Variants in DNAL1 observed in about 807,000 individuals in gnomAD.
DNAL1 encodes chromosome 14 open reading frame 168.
Under a neutral mutation model 29.4 loss-of-function variants are expected in DNAL1, and 17 were observed. The ratio of observed to expected loss-of-function variants is 0.58; its 90% CI spans 0.40 to 0.87. DNAL1 has a LOEUF of 0.87. DNAL1 is among the 40% of genes least tolerant of loss of function. The pLI, the probability that DNAL1 is intolerant of heterozygous loss-of-function variation, is 0.00. For synonymous variants in DNAL1, 78 were observed against 76.3 expected (o/e 1.02, Z -0.12); for missense variants, 188 against 214.1 (o/e 0.88, Z 0.76).
intron 2 of DNAL1, among the ~76,000 whole-genome samples, chr14:73,656,884 T>G (rs888691325): frequency 1.3e-5 from 2 of 152,144 alleles, no homozygotes; most frequent in African/African-American, 4.8e-5. Context: ...GTATTAGATC[T>G]TTTTACAACT....
intron 4 of DNAL1, among the ~76,000 whole-genome samples, chr14:73,663,981 A>G (rs922658730): frequency 1.3e-5 from 2 of 152,176 alleles, no homozygotes; most frequent in Admixed American, 1.3e-4. Context: ...TCTTCTTTGT[A>G]TAATTGTGGG....
At chr14:73,664,599 T>A (rs1891431602) in intron 4 of DNAL1, among the ~76,000 whole-genome samples, 1 of 152,218 alleles carries the variant, frequency 6.6e-6, no homozygotes, top group Non-Finnish European at 1.5e-5. Context: ...CCAGGTACCA[T>A]GGCTCATGCC....
chr14:73,645,928 T>G (rs1334622908), intron 1 of DNAL1, among the ~76,000 whole-genome samples: 1 of 152,188 alleles, frequency 6.6e-6, no homozygotes, highest in Admixed American at 6.5e-5. Context: ...GATAGAGATG[T>G]TTATGAAGAA....
In DNAL1 at chr14:73,654,630, G is replaced by A. The variant is rs138794449; in HGVS notation, c.4-217G>A. On this transcript the variant is annotated intron_variant, in intron 1 of 7. Coordinates refer to ENST00000553645, the MANE Select transcript of DNAL1 (RefSeq NM_031427.4). ...AAAAATTAGCCGGGAGTGGTGGCGC[G>A]CACCTGTAGTCCCAGCTACTTGGGA... Among the ~76,000 whole-genome samples, 1,228 of 152,112 alleles carry A rather than the reference G, an allele frequency of 8.1e-3. 24 individuals are homozygous for A. The highest frequency in any genetic ancestry group is 0.028 in the African/African-American group (1,166 of 41,502).
chr14:73,693,885 A>G (rs1360615422), intron 7 of DNAL1, among the ~76,000 whole-genome samples: 1 of 152,132 alleles, frequency 6.6e-6, no homozygotes, highest in Non-Finnish European at 1.5e-5. Context: ...ATGAACATTT[A>G]TCAATCTGTA....
chr14:73,688,033 G>A (rs1892064437), intron 6 of DNAL1, among the ~76,000 whole-genome samples: 3 of 151,274 alleles, frequency 2.0e-5, no homozygotes, highest in South Asian at 4.2e-4. Flanking sequence ...AAAAAAATTA[G>A]GATGAACGTA....
intron 5 of DNAL1, among the ~76,000 whole-genome samples, chr14:73,675,489 G>A (rs75047456): frequency 6.7e-6 from 1 of 150,100 alleles, no homozygotes; most frequent in African/African-American, 2.4e-5. Context: ...TTTTTTTTTT[G>A]TAGTGATGGA....
chr14:73,679,301 T>A (rs1203688300), intron 5 of DNAL1, among the ~76,000 whole-genome samples: 1 of 152,198 alleles, frequency 6.6e-6, no homozygotes, highest in African/African-American at 2.4e-5. Flanking sequence ...GCCAAGACTT[T>A]TGTTTTTATA....
intron 7 of DNAL1, among the ~76,000 whole-genome samples, chr14:73,692,432 A>C (rs1280496570): frequency 6.6e-6 from 1 of 152,102 alleles, no homozygotes; most frequent in Non-Finnish European, 1.5e-5. Context: ...CAGTGAGCTG[A>C]GATTGTGCCA....
chr14:73,665,556 C>T (rs188698264), intron 4 of DNAL1, among the ~76,000 whole-genome samples: 1,791 of 152,046 alleles, frequency 0.012, 36 homozygotes, highest in African/African-American at 0.041. Flanking sequence ...TTTGGGAGGC[C>T]GAGGCGGGTG....
At chr14:73,689,244 G>A in intron 6 of DNAL1, 131 bp from the exon 7 acceptor site, 1 of 1,038,884 alleles carries the variant, frequency 9.6e-7, no homozygotes, top group Middle Eastern at 2.7e-4. Context: ...GTGTTAGCCA[G>A]GATGGTCTCG....
chr14:73,676,361 A>G (rs368437858), intron 5 of DNAL1, among the ~76,000 whole-genome samples: 1 of 152,144 alleles, frequency 6.6e-6, no homozygotes, highest in East Asian at 1.9e-4. Flanking sequence ...CCTATTCCCT[A>G]CCAGCTCCAT....
intron 1 of DNAL1, among the ~76,000 whole-genome samples, chr14:73,652,350 C>T (rs1257498628): frequency 6.6e-6 from 1 of 152,206 alleles, no homozygotes; most frequent in Non-Finnish European, 1.5e-5. Flanking sequence ...TGCACCCTCT[C>T]TCCCTGGGTC....
chr14:73,652,937 T>TG (rs1891141041), intron 1 of DNAL1, among the ~76,000 whole-genome samples: 1 of 152,182 alleles, frequency 6.6e-6, no homozygotes, highest in Non-Finnish European at 1.5e-5. Flanking sequence ...GACATAATGG[T>TG]ATATATTTGT....
chr14:73,694,978 C>T (rs1447185061), intron 7 of DNAL1, among the ~76,000 whole-genome samples: 11 of 151,706 alleles, frequency 7.3e-5, no homozygotes, highest in Non-Finnish European at 1.2e-4. Context: ...CGTGAGCCAC[C>T]GCGCCCGGCC....
intron 5 of DNAL1, among the ~76,000 whole-genome samples, chr14:73,682,481 G>A (rs1481166460): frequency 2.6e-5 from 4 of 151,230 alleles, no homozygotes; most frequent in Non-Finnish European, 1.5e-5. Context: ...GAGCCACTGC[G>A]CCCGGCCAAC....
At chr14:73,662,952 ACT>A (rs1321480957) in intron 4 of DNAL1, among the ~76,000 whole-genome samples, 2 of 151,494 alleles carry the variant, frequency 1.3e-5, no homozygotes, top group Non-Finnish European at 2.9e-5. Flanking sequence ...AATCCTGTTA[ACT>A]CTACTCTTTG....
Position 73,700,810 on chromosome 14 carries a change from G to C in DNAL1, c.*4868G>C, listed in dbSNP as rs1467970360. 1 of 152,194 alleles carries C rather than the reference G, an allele frequency of 6.6e-6. No individual in the cohort carries two copies. Among genetic ancestry groups the C allele is most frequent in the Non-Finnish European group, 1.5e-5 (1 of 68,036 alleles). The allele number at this position is 152,194 out of a possible 1,614,324, so 9.4% of individuals were successfully genotyped here. A position where few individuals can be genotyped will look rare whatever the true frequency, so the allele number is the denominator to read the frequency against. On this transcript the variant is annotated 3_prime_UTR_variant, in exon 8 of 8. Coordinates refer to ENST00000553645, the MANE Select transcript of DNAL1 (RefSeq NM_031427.4). Reference sequence around the variant, plus strand: ...GCTGTTTAATGTGTCTGTAAATCATGAAATATAAAAGCAAGATTCAGTGTA... The same window carrying C: ...GCTGTTTAATGTGTCTGTAAATCATCAAATATAAAAGCAAGATTCAGTGTA...
chr14:73,673,324 A>G (rs951617847), intron 5 of DNAL1, among the ~76,000 whole-genome samples: 7 of 152,198 alleles, frequency 4.6e-5, no homozygotes, highest in African/African-American at 9.7e-5. Flanking sequence ...CCAGGTATTT[A>G]TAGAATCCCT....
Sources: gnomAD v4.1 joint callset for allele counts (sites outside exome capture counted in the v4.1 genomes callset) on GRCh38, gnomAD v4.1.1 for gene constraint, MANE v1.5 for transcripts, NCBI Gene and HGNC (gene_info 2026-07-23, HGNC 2026-07-21) for gene names.